The following DENND1A variants were observed in gnomAD, a reference collection of about 807,000 sequenced individuals.
The protein encoded by DENND1A is DENN domain-containing protein 1A.
Under a neutral mutation model 113.7 loss-of-function variants are expected in DENND1A, and 51 were observed. That is an observed-to-expected ratio of 0.45 (90% CI 0.36 to 0.57). DENND1A has a LOEUF of 0.57. DENND1A is among the 20% of genes least tolerant of loss of function. The probability of loss-of-function intolerance (pLI) is 0.00; values close to 1 mark genes in which losing one functional copy is unlikely to be tolerated. For missense variants in DENND1A, 1,258 were observed against 1,395.9 expected, an observed-to-expected ratio of 0.90 and a Z score of 1.57; for synonymous variants, 565 against 570.8, an observed-to-expected ratio of 0.99 and a Z score of 0.14.
intron 13 of DENND1A, among the ~76,000 whole-genome samples, chr9:123,488,111 T>C (rs2051047074): frequency 6.6e-6 from 1 of 152,212 alleles, no homozygotes; most frequent in South Asian, 2.1e-4. Context: ...CCATTACTCA[T>C]TCACCTCTAG....
At chr9:123,541,729 C>A (rs937792738) in intron 13 of DENND1A, among the ~76,000 whole-genome samples, 3 of 152,230 alleles carry the variant, frequency 2.0e-5, no homozygotes, top group African/African-American at 7.2e-5. Flanking sequence ...TGGGCATTCA[C>A]TGGATAAAAA....
At chr9:123,700,685 C>T (rs4838072) in intron 5 of DENND1A, among the ~76,000 whole-genome samples, 27,980 of 152,128 alleles carry the variant, frequency 0.18, 2,765 homozygotes, top group African/African-American at 0.27. Flanking sequence ...TACTAAAAGT[C>T]AATGATTATA....
At chr9:123,629,327 G>A (rs1256458140) in intron 10 of DENND1A, among the ~76,000 whole-genome samples, 2 of 152,096 alleles carry the variant, frequency 1.3e-5, no homozygotes, top group African/African-American at 2.4e-5. Context: ...GCTCCCTTAC[G>A]GACTTCTGTT....
chr9:123,760,440 T>C (rs1451802282), intron 4 of DENND1A, among the ~76,000 whole-genome samples: 8 of 152,032 alleles, frequency 5.3e-5, no homozygotes, highest in Non-Finnish European at 1.0e-4. Flanking sequence ...TACAAGAAAA[T>C]AATTCAGAAA....
intron 2 of DENND1A, chr9:123,843,697 G>A (rs1842164490): frequency 6.3e-6 from 1 of 158,478 alleles, no homozygotes; most frequent in African/African-American, 2.4e-5. Flanking sequence ...TTGGAGCAAA[G>A]GGAGAAAATA....
intron 13 of DENND1A, among the ~76,000 whole-genome samples, chr9:123,525,387 T>C (rs2808406): frequency 0.84 from 127,801 of 152,210 alleles, 53,744 homozygotes; most frequent in East Asian, 0.95. Flanking sequence ...TCCCAGCCTC[T>C]TTTTTCGAGG....
At chr9:123,552,455 G>A (rs1328509345) in intron 13 of DENND1A, among the ~76,000 whole-genome samples, 1 of 152,208 alleles carries the variant, frequency 6.6e-6, no homozygotes, top group Non-Finnish European at 1.5e-5. Context: ...ACAGGAGCCC[G>A]CTTAGGTCCC....
At chr9:123,819,239 CA>C (rs1838066539) in intron 2 of DENND1A, among the ~76,000 whole-genome samples, 3 of 152,278 alleles carry the variant, frequency 2.0e-5, no homozygotes, top group South Asian at 4.1e-4. Flanking sequence ...ACACACCATA[CA>C]AACACATGCA....
intron 5 of DENND1A, among the ~76,000 whole-genome samples, chr9:123,729,420 G>A (rs1015156027): frequency 1.3e-5 from 2 of 152,054 alleles, no homozygotes; most frequent in African/African-American, 2.4e-5. Context: ...AAAGTCTCAG[G>A]ATACAAAATC....
chr9:123,391,480 A>C (rs889874962), intron 21 of DENND1A, among the ~76,000 whole-genome samples: 3 of 152,210 alleles, frequency 2.0e-5, no homozygotes, highest in Non-Finnish European at 4.4e-5. Flanking sequence ...CCAGGGTCAC[A>C]CAGCAGCTAA....
At chr9:123,464,994 CAAAAAAAAA>C (rs10655282) in intron 13 of DENND1A, among the ~76,000 whole-genome samples, 6 of 70,560 alleles carry the variant, frequency 8.5e-5, no homozygotes, top group African/African-American at 3.6e-4. Context: ...ACTAAAAATA[CAAAAAAAAA>C]AAAAAAAAAA....
intron 13 of DENND1A, among the ~76,000 whole-genome samples, chr9:123,462,445 C>T (rs542420391): frequency 1.2e-4 from 18 of 152,314 alleles, no homozygotes; most frequent in African/African-American, 4.1e-4. Context: ...CTTCTCCCTG[C>T]AGCCTCAGTC....
chr9:123,478,443 C>A (rs1480604900), intron 13 of DENND1A, among the ~76,000 whole-genome samples: 1 of 152,234 alleles, frequency 6.6e-6, no homozygotes, highest in African/African-American at 2.4e-5. Flanking sequence ...CCAACACTGG[C>A]TAGCAGGTGT....
intron 5 of DENND1A, among the ~76,000 whole-genome samples, chr9:123,710,363 A>T (rs1004334584): frequency 6.6e-6 from 1 of 152,222 alleles, no homozygotes; most frequent in African/African-American, 2.4e-5. Context: ...CCTTTTGTTT[A>T]GTTACAGGCA....
intron 2 of DENND1A, among the ~76,000 whole-genome samples, chr9:123,799,675 T>C (rs1834324730): frequency 6.6e-6 from 1 of 152,228 alleles, no homozygotes; most frequent in South Asian, 2.1e-4. Flanking sequence ...CCAAGTTCCA[T>C]GTCTTACTTA....
intron 2 of DENND1A, among the ~76,000 whole-genome samples, chr9:123,860,228 C>T (rs555870784): frequency 2.0e-5 from 3 of 152,138 alleles, no homozygotes; most frequent in Non-Finnish European, 4.4e-5. Context: ...TTTTAGACAA[C>T]CTAGACAAAT....
At chr9:123,449,928 C>G (rs2047585073) in intron 18 of DENND1A, among the ~76,000 whole-genome samples, 1 of 150,730 alleles carries the variant, frequency 6.6e-6, no homozygotes, top group Non-Finnish European at 1.5e-5. Flanking sequence ...CAAAATCTCA[C>G]AAATCACAGC....
intron 1 of DENND1A, among the ~76,000 whole-genome samples, chr9:123,924,557 A>G (rs1856771601): frequency 6.6e-6 from 1 of 151,982 alleles, no homozygotes; most frequent in South Asian, 2.1e-4. Context: ...AGGCTGAGGC[A>G]TAAGAATCAC....
intron 2 of DENND1A, among the ~76,000 whole-genome samples, chr9:123,857,147 G>A (rs1844338165): frequency 6.6e-6 from 1 of 151,332 alleles, no homozygotes; most frequent in Admixed American, 6.6e-5. Context: ...CCACCAAAAG[G>A]AACCTTGGGA....
Sources: gnomAD v4.1 joint callset for allele counts (sites outside exome capture counted in the v4.1 genomes callset) on GRCh38, gnomAD v4.1.1 for gene constraint, MANE v1.5 for transcripts, NCBI Gene and HGNC (gene_info 2026-07-23, HGNC 2026-07-21) for gene names.